Variants in L3MBTL4 observed in about 807,000 individuals in gnomAD.
The protein encoded by L3MBTL4 is L3MBTL histone methyl-lysine binding protein 4.
A neutral mutation model predicts 84.5 loss-of-function variants in L3MBTL4; 70 were observed. The observed-to-expected ratio is 0.83, with a 90% CI of 0.68 to 1.01. The LOEUF (loss-of-function observed/expected upper bound fraction) is 1.01, where lower values mean the gene tolerates loss of function less well. Ranked by LOEUF, L3MBTL4 falls within the 50% of genes least tolerant of loss-of-function variation. L3MBTL4 has a pLI of 0.00. For synonymous variants in L3MBTL4, 274 were observed against 259.8 expected (o/e 1.05, Z -0.52); for missense variants, 715 against 754.8 (o/e 0.95, Z 0.62).
chr18:6,205,899 T>C (rs1466464705), intron 12 of L3MBTL4, among the ~76,000 whole-genome samples: 1 of 152,182 alleles, frequency 6.6e-6, no homozygotes, highest in African/African-American at 2.4e-5. Context: ...TGGTCAGAAA[T>C]AGTACACTTC....
intron 17 of L3MBTL4, among the ~76,000 whole-genome samples, chr18:5,967,850 G>A (rs1057191718): frequency 6.6e-6 from 1 of 152,252 alleles, no homozygotes; most frequent in African/African-American, 2.4e-5. Flanking sequence ...AGAATGGCAG[G>A]ACAAGCAAGG....
chr18:5,987,841 T>C lies in L3MBTL4; in HGVS notation c.1445-18279A>G, dbSNP rs139154635. ...TGCCAATATTTTCTCTGGCAAGAGA[T>C]TGCTTGCTGTCTTTGCATGTAGTTT... On this transcript the variant is annotated intron_variant, in intron 16 of 18. Coordinates refer to ENST00000317931, the MANE Select transcript of L3MBTL4 (RefSeq NM_001330559.2). Among the ~76,000 whole-genome samples, 356 of 152,248 alleles carry C rather than the reference T, an allele frequency of 2.3e-3. 3 individuals are homozygous for C. Among genetic ancestry groups the C allele is most frequent in the East Asian group, 0.02 (105 of 5,186 alleles).
rs778540208 is a variant in L3MBTL4 at position 6,237,969 on chromosome 18, G to A, written c.779C>T (p.Pro260Leu). ...AACCCAGGCAGTCCACTCACCTTGG[G>A]GTGCTATCAGAGTTCTTCCATTCTC... ...CQENGRTLIA[P>L]QGYPNPENFS... The change falls in exon 10 of 19, where the codon CCC (proline) becomes CTC (leucine). Residue 260 changes from proline (P) to leucine (L), a missense_variant. Transcript: ENST00000317931. 6.2e-7 allele frequency: 1 copy of A among 1,613,828 alleles called. No homozygotes were observed. Among genetic ancestry groups the A allele is most frequent in the Non-Finnish European group, 8.5e-7 (1 of 1,179,746 alleles).
chr18:6,060,525 T>A (rs150565538), intron 16 of L3MBTL4, among the ~76,000 whole-genome samples: 150 of 152,152 alleles, frequency 9.9e-4, no homozygotes, highest in Non-Finnish European at 1.5e-3. Flanking sequence ...CTTCCCCTAT[T>A]ATTATCTTAC....
chr18:6,369,896 G>C (rs1443944975), intron 1 of L3MBTL4, among the ~76,000 whole-genome samples: 1 of 152,144 alleles, frequency 6.6e-6, no homozygotes, highest in Non-Finnish European at 1.5e-5. Context: ...CACTTTGGGA[G>C]GCCGAGGCAG....
intron 12 of L3MBTL4, among the ~76,000 whole-genome samples, chr18:6,188,783 G>A (rs2044915815): frequency 1.3e-5 from 2 of 152,252 alleles, no homozygotes; most frequent in Admixed American, 1.3e-4. Context: ...CAGAGGCTGT[G>A]GGGAGGGCCT....
At chr18:6,411,674 C>T (rs1219705850) in intron 1 of L3MBTL4, among the ~76,000 whole-genome samples, 2 of 152,128 alleles carry the variant, frequency 1.3e-5, no homozygotes, top group African/African-American at 4.8e-5. Flanking sequence ...GGACCATAGC[C>T]ATGGAACTGT....
At chr18:6,211,770 T>C (rs1330970464) in intron 12 of L3MBTL4, among the ~76,000 whole-genome samples, 1 of 151,924 alleles carries the variant, frequency 6.6e-6, no homozygotes, top group Non-Finnish European at 1.5e-5. Context: ...TGCCTCAGTC[T>C]CCCAAGTAGC....
chr18:6,033,743 T>C (rs1598497160), intron 16 of L3MBTL4, among the ~76,000 whole-genome samples: 1 of 152,254 alleles, frequency 6.6e-6, no homozygotes, highest in South Asian at 2.1e-4. Context: ...GTGGTTGCTA[T>C]AGGATTACTA....
intron 16 of L3MBTL4, among the ~76,000 whole-genome samples, chr18:6,015,008 C>T (rs1032581680): frequency 2.6e-5 from 4 of 151,808 alleles, no homozygotes; most frequent in African/African-American, 9.7e-5. Context: ...CTTTACCGAC[C>T]CAGAGATCAG....
chr18:6,069,819 C>T (rs1374698827), intron 16 of L3MBTL4, among the ~76,000 whole-genome samples: 1 of 151,984 alleles, frequency 6.6e-6, no homozygotes, highest in Admixed American at 6.6e-5. Flanking sequence ...AATGTGTTTA[C>T]AAAATTAGAT....
At chr18:6,173,369 A>G (rs562440992) in intron 12 of L3MBTL4, among the ~76,000 whole-genome samples, 68 of 152,336 alleles carry the variant, frequency 4.5e-4, no homozygotes, top group African/African-American at 1.5e-3. Context: ...CAGCACACAG[A>G]GAAGAAACAT....
chr18:5,987,368 C>T (rs1046280144), intron 16 of L3MBTL4, among the ~76,000 whole-genome samples: 1 of 152,388 alleles, frequency 6.6e-6, no homozygotes, highest in African/African-American at 2.4e-5. Flanking sequence ...ACTGTCCCCT[C>T]CCTCACTCCA....
chr18:6,403,694 TTTG>T (rs1418026778), intron 1 of L3MBTL4, among the ~76,000 whole-genome samples: 2 of 152,246 alleles, frequency 1.3e-5, no homozygotes, highest in African/African-American at 4.8e-5. Context: ...GTTACAAATA[TTTG>T]TTATCAAAAC....
At chr18:6,230,242 C>T (rs1251641148) in intron 10 of L3MBTL4, among the ~76,000 whole-genome samples, 1 of 152,080 alleles carries the variant, frequency 6.6e-6, no homozygotes, top group Non-Finnish European at 1.5e-5. Flanking sequence ...ACTCTCCACC[C>T]TCAAGAATCC....
At chr18:6,301,640 CA>C (rs1261167092) in intron 4 of L3MBTL4, among the ~76,000 whole-genome samples, 1 of 152,058 alleles carries the variant, frequency 6.6e-6, no homozygotes, top group Non-Finnish European at 1.5e-5. Flanking sequence ...AGAAAATTTA[CA>C]AATAAGTTGT....
intron 14 of L3MBTL4, among the ~76,000 whole-genome samples, chr18:6,124,908 A>G (rs1217192721): frequency 6.6e-6 from 1 of 152,222 alleles, no homozygotes; most frequent in Non-Finnish European, 1.5e-5. Context: ...GGAAAAAAAG[A>G]GTAAGGTATG....
chr18:5,959,785 C>T (rs12458129), intron 18 of L3MBTL4, among the ~76,000 whole-genome samples: 56,062 of 151,690 alleles, frequency 0.37, 10,640 homozygotes, highest in East Asian at 0.49. Context: ...AAATAGTATA[C>T]GTACTGAGCA....
intron 17 of L3MBTL4, among the ~76,000 whole-genome samples, chr18:5,964,801 G>A (rs1016839412): frequency 6.6e-6 from 1 of 152,138 alleles, no homozygotes; most frequent in Non-Finnish European, 1.5e-5. Context: ...CTGCCTGCCC[G>A]CGTGTGCCTA....
Sources: allele counts gnomAD v4.1 joint callset (sites outside exome capture counted in the v4.1 genomes callset), GRCh38; gene constraint gnomAD v4.1.1; transcripts MANE v1.5; gene names NCBI Gene and HGNC (gene_info 2026-07-23, HGNC 2026-07-21).